The following CDH2 variants were observed in gnomAD, a reference collection of about 807,000 sequenced individuals.
CDH2 encodes cadherin 2.
In CDH2, 17 loss-of-function variants were observed where a neutral mutation model predicts 92.0. That is an observed-to-expected ratio of 0.18 (90% CI 0.13 to 0.28). The LOEUF is 0.28. Among genes scored for constraint, CDH2 ranks in the 10% least tolerant of loss-of-function variants. CDH2 has a pLI of 1.00. For synonymous variants in CDH2, 419 were observed against 415.9 expected (o/e 1.01, Z -0.09); for missense variants, 862 against 1,133.1 (o/e 0.76, Z 3.44).
intron 2 of CDH2, among the ~76,000 whole-genome samples, chr18:28,140,835 AGG>A (rs2015940784): frequency 3.3e-5 from 5 of 151,136 alleles, no homozygotes; most frequent in African/African-American, 1.2e-4. Context: ...AAAAACACAA[AGG>A]TAAACAACTC....
intron 1 of CDH2, among the ~76,000 whole-genome samples, chr18:28,161,695 T>G (rs940578136): frequency 2.0e-5 from 3 of 152,066 alleles, no homozygotes; most frequent in Non-Finnish European, 2.9e-5. Context: ...TTGCCACATT[T>G]TGGAATAAGC....
intron 2 of CDH2, among the ~76,000 whole-genome samples, chr18:28,137,602 A>T (rs1332318938): frequency 6.6e-6 from 1 of 152,042 alleles, no homozygotes; most frequent in Non-Finnish European, 1.5e-5. Context: ...ACAAAAACAA[A>T]AACAAAAAAC....
At chr18:28,057,975 G>GT (rs1360873387) in intron 2 of CDH2, among the ~76,000 whole-genome samples, 1 of 152,134 alleles carries the variant, frequency 6.6e-6, no homozygotes, top group Non-Finnish European at 1.5e-5. Flanking sequence ...TGCTAAGGTG[G>GT]TTTGTGACCC....
intron 2 of CDH2, among the ~76,000 whole-genome samples, chr18:28,066,932 T>C (rs1015759119): frequency 6.6e-6 from 1 of 152,106 alleles, no homozygotes; most frequent in Non-Finnish European, 1.5e-5. Flanking sequence ...AATAAGAACA[T>C]ATAGAAATTT....
chr18:28,086,668 A>AC (rs1289328197), intron 2 of CDH2, among the ~76,000 whole-genome samples: 1 of 150,936 alleles, frequency 6.6e-6, no homozygotes, highest in Admixed American at 6.6e-5. Flanking sequence ...CACACAAGAC[A>AC]CACTAGGGGC....
intron 14 of CDH2, among the ~76,000 whole-genome samples, chr18:27,966,929 T>C (rs181367356): frequency 3.9e-5 from 6 of 152,258 alleles, no homozygotes; most frequent in Admixed American, 2.6e-4. Flanking sequence ...ATGCCAGATA[T>C]CAAAGGAGCA....
rs117544590 is a variant in CDH2 at position 28,099,621 on chromosome 18, C to T, written c.172+48052G>A. Among the ~76,000 whole-genome samples the T allele has an allele frequency of 1.6e-3, 244 of 151,982 alleles. No homozygotes were observed. The East Asian group carries it at 0.019, about 12-fold the overall frequency. ...TTTAGTAAGGGCAAAACCAACCAAA[C>T]CCAAAAGGAGTTAGGGAGAAGAGCA... On this transcript the variant is annotated intron_variant, in intron 2 of 15. Transcript: ENST00000269141.
intron 13 of CDH2, among the ~76,000 whole-genome samples, chr18:27,984,731 G>A (rs1366775702): frequency 6.6e-6 from 1 of 152,182 alleles, no homozygotes; most frequent in Non-Finnish European, 1.5e-5. Flanking sequence ...GTTTACTACA[G>A]CTCCCTAAGC....
At chr18:28,077,993 A>G (rs1246711230) in intron 2 of CDH2, among the ~76,000 whole-genome samples, 5 of 151,726 alleles carry the variant, frequency 3.3e-5, no homozygotes, top group Admixed American at 3.3e-4. Flanking sequence ...ATCTGTGGCT[A>G]TTGCAAGGAC....
At chr18:28,128,986 C>T (rs1401841203) in intron 2 of CDH2, among the ~76,000 whole-genome samples, 3 of 152,192 alleles carry the variant, frequency 2.0e-5, no homozygotes, top group Non-Finnish European at 4.4e-5. Context: ...CTTTCAGATG[C>T]AACCAACAAC....
chr18:27,956,219 G>A (rs1325363487), intron 15 of CDH2, among the ~76,000 whole-genome samples: 2 of 152,086 alleles, frequency 1.3e-5, no homozygotes, highest in Non-Finnish European at 2.9e-5. Context: ...CAAACTAAAC[G>A]CCTGTGTTTC....
chr18:28,162,494 A>G (rs2016320682), intron 1 of CDH2, among the ~76,000 whole-genome samples: 1 of 152,172 alleles, frequency 6.6e-6, no homozygotes, highest in Non-Finnish European at 1.5e-5. Context: ...AAGAAGCTGC[A>G]TGGCCAGCGG....
intron 2 of CDH2, among the ~76,000 whole-genome samples, chr18:28,022,330 A>G (rs907483649): frequency 1.3e-5 from 2 of 152,098 alleles, no homozygotes; most frequent in African/African-American, 2.4e-5. Context: ...TTTTCTTTAT[A>G]GCATATAATT....
chr18:28,130,520 A>G (rs946075757), intron 2 of CDH2, among the ~76,000 whole-genome samples: 4 of 152,248 alleles, frequency 2.6e-5, no homozygotes, highest in African/African-American at 4.8e-5. Flanking sequence ...AGACATAGGT[A>G]TATATCCACT....
At chr18:28,046,058 A>G (rs570850296) in intron 2 of CDH2, among the ~76,000 whole-genome samples, 41 of 152,332 alleles carry the variant, frequency 2.7e-4, no homozygotes, top group African/African-American at 9.6e-4. Flanking sequence ...GTAGTCAAGT[A>G]TGTGATAAAG....
intron 14 of CDH2, chr18:27,963,761 T>G (rs956193584): frequency 8.5e-5 from 40 of 468,250 alleles, no homozygotes; most frequent in African/African-American, 7.2e-4. Flanking sequence ...CCTCATCAGT[T>G]TCCAATGAAA....
chr18:28,047,869 A>AAAC (rs1491477842), intron 2 of CDH2, among the ~76,000 whole-genome samples: 3,156 of 81,680 alleles, frequency 0.039, 90 homozygotes, highest in African/African-American at 0.12. Flanking sequence ...ACTCCATCTC[A>AAAC]AAAAAAAAAA....
At chr18:28,133,821 C>A (rs2015815826) in intron 2 of CDH2, among the ~76,000 whole-genome samples, 1 of 151,934 alleles carries the variant, frequency 6.6e-6, no homozygotes, top group Admixed American at 6.6e-5. Flanking sequence ...AACCGTGATG[C>A]TGCTTCATGA....
intron 2 of CDH2, among the ~76,000 whole-genome samples, chr18:28,096,899 G>A (rs925827238): frequency 3.3e-5 from 5 of 152,202 alleles, no homozygotes; most frequent in Non-Finnish European, 7.3e-5. Context: ...CCGTACTTGA[G>A]CAAGATCAAA....
Sources: gnomAD v4.1 joint callset for allele counts (sites outside exome capture counted in the v4.1 genomes callset) on GRCh38, gnomAD v4.1.1 for gene constraint, MANE v1.5 for transcripts, NCBI Gene and HGNC (gene_info 2026-07-23, HGNC 2026-07-21) for gene names.